The following NAA35 variants were observed in gnomAD, a reference collection of about 807,000 sequenced individuals.
NAA35 encodes MAK10 homolog, amino-acid N-acetyltransferase subunit.
NAA35 carries 18 observed loss-of-function variants against 101.7 expected under a neutral mutation model. The observed-to-expected ratio is 0.18, with a 90% CI of 0.12 to 0.26. The LOEUF (loss-of-function observed/expected upper bound fraction) is 0.26, where lower values mean the gene tolerates loss of function less well. NAA35 is among the 10% of genes least tolerant of loss of function. The probability of loss-of-function intolerance (pLI) is 1.00; values close to 1 mark genes in which losing one functional copy is unlikely to be tolerated. For missense variants in NAA35, 601 were observed against 886.8 expected (o/e 0.68, Z 4.09); for synonymous variants, 267 against 273.1 (o/e 0.98, Z 0.22).
intron 6 of NAA35, among the ~76,000 whole-genome samples, chr9:85,965,490 T>TGGTGCTGTGTGC (rs910762881): frequency 1.3e-4 from 20 of 152,064 alleles, no homozygotes; most frequent in Non-Finnish European, 2.6e-4. Context: ...TAGCTGGGTG[T>TGGTGCTGTGTGC]GGTGCTGTGT....
rs142553375 is a variant in NAA35 at position 85,952,010 on chromosome 9, C to T, written c.125-4350C>T. The stretch of plus-strand genomic sequence containing the variant: ...TTTCATTATACAATATTAATAAGCA[C>T]ATTTGTTATCACTACCAGTACAGAA... On this transcript the variant is annotated intron_variant, in intron 2 of 22. Coordinates refer to ENST00000361671, the MANE Select transcript of NAA35 (RefSeq NM_024635.4). Among the ~76,000 whole-genome samples, 439 of 152,250 alleles carry T rather than the reference C, an allele frequency of 2.9e-3. 5 individuals are homozygous for T. In the South Asian group the frequency reaches 0.034, roughly 12 times the overall value.
At chr9:85,975,309 C>T (rs1010835120) in intron 8 of NAA35, 152 bp downstream of exon 8, 3 of 713,732 alleles carry the variant, frequency 4.2e-6, no homozygotes, top group Non-Finnish European at 6.7e-6. Context: ...AGAGGAGTTT[C>T]TGATAAATTA....
At chr9:85,994,920 T>G (rs1831088400) in intron 11 of NAA35, among the ~76,000 whole-genome samples, 1 of 152,164 alleles carries the variant, frequency 6.6e-6, no homozygotes, top group African/African-American at 2.4e-5. Context: ...ACGTTTGAAG[T>G]GACAGATATC....
At chr9:86,017,651 C>G in intron 19 of NAA35, 86 bp downstream of exon 19, 1 of 1,079,102 alleles carries the variant, frequency 9.3e-7, no homozygotes, top group Admixed American at 2.6e-5. Context: ...GTGATTCTTT[C>G]CATATTATAA....
In NAA35 at chr9:85,976,735, A is replaced by G; in HGVS notation, c.678A>G (p.Glu226=). 1 of 1,591,752 alleles carries G rather than the reference A, an allele frequency of 6.3e-7. No homozygotes were observed. Among genetic ancestry groups the G allele is most frequent in the Non-Finnish European group, 8.5e-7 (1 of 1,169,970 alleles). The part of the protein sequence containing the change: ...GEERDPEVEL[E]HQQCLAVFSR... Reference sequence around the variant, plus strand: ...AAAGAGATCCAGAAGTTGAACTAGAAGTAATTGAACTTATTTTCTGGTAGA... The same window carrying G: ...AAAGAGATCCAGAAGTTGAACTAGAGGTAATTGAACTTATTTTCTGGTAGA... The change falls in exon 9 of 23, where the codon GAA becomes GAG. Residue 226 remains glutamate, a splice_region_variant and synonymous_variant. Transcript: ENST00000361671.
At chr9:85,989,705 A>C (rs370257227) in intron 11 of NAA35, among the ~76,000 whole-genome samples, 2 of 152,228 alleles carry the variant, frequency 1.3e-5, no homozygotes, top group Non-Finnish European at 2.9e-5. Context: ...AAGGACAGGC[A>C]TTGAGCATTG....
At chr9:85,972,674 A>G (rs951342596) in intron 6 of NAA35, among the ~76,000 whole-genome samples, 10 of 152,172 alleles carry the variant, frequency 6.6e-5, no homozygotes, top group African/African-American at 2.4e-4. Context: ...TAAATGAAGC[A>G]TATGTTTTCC....
At chr9:86,012,211 C>T (rs1349354322) in intron 15 of NAA35, among the ~76,000 whole-genome samples, 1 of 151,342 alleles carries the variant, frequency 6.6e-6, no homozygotes, top group Non-Finnish European at 1.5e-5. Flanking sequence ...CCTCCGCCTC[C>T]CAGGTTCAAG....
At chr9:86,021,094 T>A (rs1376031351) in intron 22 of NAA35, 125 bp downstream of exon 22, 1 of 649,096 alleles carries the variant, frequency 1.5e-6, no homozygotes, top group Non-Finnish European at 2.4e-6. Flanking sequence ...CTAAAAATTT[T>A]AGTTCAGCAG....
At chr9:85,976,591 T>G in intron 8 of NAA35, 94 bp from the exon 9 acceptor site, 1 of 900,010 alleles carries the variant, frequency 1.1e-6, no homozygotes, top group East Asian at 2.7e-5. Flanking sequence ...AACAGATTCT[T>G]GTGTATACTT....
chr9:85,974,951 T>C lies in NAA35; in HGVS notation c.517-16T>C. On this transcript the variant is annotated splice_polypyrimidine_tract_variant and intron_variant, in intron 6 of 22. Coordinates refer to ENST00000361671, the MANE Select transcript of NAA35 (RefSeq NM_024635.4). The stretch of plus-strand genomic sequence containing the variant: ...TTTTTGCTATTCATGAGCCTGATTA[T>C]TTCCTTTTTGTATAGGAAGATTTTC... 2.5e-6 allele frequency: 4 copies of C among 1,598,796 alleles called. No homozygotes were observed. The highest frequency in any genetic ancestry group is 1.1e-5 in the South Asian group (1 of 89,592).
At chr9:86,013,561 A>G (rs1832059321) in intron 16 of NAA35, among the ~76,000 whole-genome samples, 158 bp from the exon 17 acceptor site, 1 of 152,238 alleles carries the variant, frequency 6.6e-6, no homozygotes, top group South Asian at 2.1e-4. Context: ...GAGAACTTCA[A>G]ATGTAAACCT....
At position 86,008,263 on chromosome 9, in the gene NAA35, A is replaced by G. The variant is rs555006606; in HGVS notation, c.1223+799A>G. Among the ~76,000 whole-genome samples the G allele has an allele frequency of 2.6e-5, 4 of 152,248 alleles. No homozygotes were observed. The South Asian group carries it at 8.3e-4, about 32-fold the overall frequency. On this transcript the variant is annotated intron_variant, in intron 14 of 22. Coordinates refer to ENST00000361671, the MANE Select transcript of NAA35 (RefSeq NM_024635.4). ...TTTTTAGTAGAGATGGGCTTTCGCTATGTTGGCCAGGCTGGTCTCAAACCC... is the reference window on the plus strand; with the variant it reads ...TTTTTAGTAGAGATGGGCTTTCGCTGTGTTGGCCAGGCTGGTCTCAAACCC...
At chr9:85,943,824 A>G (rs115909106) in intron 2 of NAA35, among the ~76,000 whole-genome samples, 81 of 152,306 alleles carry the variant, frequency 5.3e-4, no homozygotes, top group African/African-American at 1.9e-3. Context: ...GGAGAGATCA[A>G]GTTTTTGCAA....
intron 11 of NAA35, chr9:85,986,890 C>G (rs575777128): frequency 6.1e-6 from 1 of 164,662 alleles, no homozygotes; most frequent in African/African-American, 2.4e-5. Flanking sequence ...TGCGCCTGAC[C>G]GGGGTGTCCA....
At chr9:86,010,041 A>G in intron 15 of NAA35, 110 bp downstream of exon 15, 5 of 782,572 alleles carry the variant, frequency 6.4e-6, no homozygotes, top group Non-Finnish European at 1.1e-5. Context: ...ACCTGAGGTC[A>G]GGAGTTTGAG....
At chr9:85,988,556 T>A (rs1830750261) in intron 11 of NAA35, among the ~76,000 whole-genome samples, 1 of 151,732 alleles carries the variant, frequency 6.6e-6, no homozygotes, top group Non-Finnish European at 1.5e-5. Context: ...TCCCAGCACT[T>A]TGGGAGGCCG....
rs1832617610 is a variant in NAA35 at position 86,022,611 on chromosome 9, A to G, written c.*651A>G. Among the ~76,000 whole-genome samples, 2 of 152,244 alleles carry G rather than the reference A, an allele frequency of 1.3e-5. No homozygotes were observed. The highest frequency in any genetic ancestry group is 4.8e-5 in the African/African-American group (2 of 41,468). Reference sequence around the variant, plus strand: ...AGATTATACATTGTTTGCTGGTGACATGCAAAAAGGAGGCAGATAGAAATG... The same window carrying G: ...AGATTATACATTGTTTGCTGGTGACGTGCAAAAAGGAGGCAGATAGAAATG... On this transcript the variant is annotated 3_prime_UTR_variant, in exon 23 of 23. Transcript: ENST00000361671.
intron 11 of NAA35, among the ~76,000 whole-genome samples, chr9:85,981,063 T>C (rs2118094565): frequency 6.6e-6 from 1 of 152,182 alleles, no homozygotes; most frequent in Admixed American, 6.5e-5. Context: ...ACCCAGAAGG[T>C]AATTTGGGTT....
Sources: gnomAD v4.1 joint callset for allele counts (sites outside exome capture counted in the v4.1 genomes callset) on GRCh38, gnomAD v4.1.1 for gene constraint, MANE v1.5 for transcripts, NCBI Gene and HGNC (gene_info 2026-07-23, HGNC 2026-07-21) for gene names.